The following LRRK1 variants were observed in gnomAD, a reference collection of about 807,000 sequenced individuals.
LRRK1 encodes the protein leucine rich repeat kinase 1, also known as leucine-rich repeat serine/threonine-protein kinase 1.
Under a neutral mutation model 209.1 loss-of-function variants are expected in LRRK1, and 113 were observed. The ratio of observed to expected loss-of-function variants is 0.54; its 90% CI spans 0.46 to 0.63. The LOEUF is 0.63. LRRK1 is among the 30% of genes least tolerant of loss of function. The pLI, the probability that LRRK1 is intolerant of heterozygous loss-of-function variation, is 0.00. For synonymous variants in LRRK1, 1,144 were observed against 1,099.7 expected, an observed-to-expected ratio of 1.04 and a Z score of -0.80; for missense variants, 2,284 against 2,632.2, an observed-to-expected ratio of 0.87 and a Z score of 2.89.
Position 101,070,308 on chromosome 15 carries a change from C to A in LRRK1, c.*1460C>A, listed in dbSNP as rs1382557093. 1 of 94,828 alleles carries A rather than the reference C, an allele frequency of 1.1e-5. No individual in the cohort carries two copies. Among genetic ancestry groups the A allele is most frequent in the South Asian group, 4.0e-4 (1 of 2,484 alleles). The allele number at this position is 94,828 out of a possible 1,614,324, so 5.9% of individuals were successfully genotyped here. On this transcript the variant is annotated 3_prime_UTR_variant, in exon 34 of 34. Coordinates refer to ENST00000388948, the MANE Select transcript of LRRK1 (RefSeq NM_024652.6). ...CTTGGAAAAAGCGAGTCCCCCCACT[C>A]TTTTTTTTTTTTTTTTTTTTTTTTT...
intron 31 of LRRK1, chr15:101,064,873 C>T: frequency 7.0e-6 from 1 of 142,160 alleles, no homozygotes; most frequent in East Asian, 1.9e-4. Flanking sequence ...AACACTCTGC[C>T]TGGTGGGGGG....
At chr15:100,971,361 A>T (rs1313675303) in intron 2 of LRRK1, among the ~76,000 whole-genome samples, 1 of 148,734 alleles carries the variant, frequency 6.7e-6, no homozygotes, top group East Asian at 1.9e-4. Context: ...AAAGAAAAAG[A>T]AAAAGAAAAA....
intron 3 of LRRK1, among the ~76,000 whole-genome samples, chr15:100,975,146 C>T (rs1158728643): frequency 6.6e-6 from 1 of 152,246 alleles, no homozygotes; most frequent in African/African-American, 2.4e-5. Flanking sequence ...GAGAGCTGCG[C>T]TGTGCACACG....
rs1460879622 is a variant in LRRK1, at chr15:100,968,042, A to T, written c.98-5762A>T. On this transcript the variant is annotated intron_variant, in intron 2 of 33. Coordinates refer to ENST00000388948, the MANE Select transcript of LRRK1 (RefSeq NM_024652.6). ...GTCCTTGTGCCCCATCCACAGGAAA[A>T]CTCACTGTCTACCATATGGCCACGA... Among the ~76,000 whole-genome samples the T allele has an allele frequency of 1.3e-5, 2 of 152,160 alleles. 1 individual carries two copies. The highest frequency in any genetic ancestry group is 6.3e-3 in the Middle Eastern group (2 of 316).
chr15:100,974,200 C>CG (rs2031157653), intron 3 of LRRK1: 1 of 385,638 alleles, frequency 2.6e-6, no homozygotes, highest in South Asian at 1.4e-4. Context: ...CTTTGAGGGA[C>CG]GGGGGTGTGG....
At chr15:100,931,966 G>A (rs961861022) in intron 2 of LRRK1, among the ~76,000 whole-genome samples, 1 of 150,622 alleles carries the variant, frequency 6.6e-6, no homozygotes, top group Non-Finnish European at 1.5e-5. Context: ...ATCACTGTTA[G>A]CTGAGTGTGT....
At chr15:101,009,093 G>C in intron 7 of LRRK1, 30 bp downstream of exon 7, 1 of 1,517,786 alleles carries the variant, frequency 6.6e-7, no homozygotes, top group African/African-American at 1.4e-5. Context: ...CCGGAGCCGT[G>C]TGTGACCCCG....
rs183994734 is a variant in LRRK1 at position 101,051,553 on chromosome 15, G to A, written c.3440-158G>A. Among the ~76,000 whole-genome samples, 14 of 152,352 alleles carry A rather than the reference G, an allele frequency of 9.2e-5. No homozygotes were observed. In the East Asian group the frequency reaches 1.5e-3, roughly 17 times the overall value. ...AATTGCGCTCTCCAAAAAGGCACCCGAATGTGGCAGTGGGTTTCAGCCTGT... is the reference window on the plus strand; with the variant it reads ...AATTGCGCTCTCCAAAAAGGCACCCAAATGTGGCAGTGGGTTTCAGCCTGT... On this transcript the variant is annotated intron_variant, in intron 23 of 33. Coordinates refer to ENST00000388948, the MANE Select transcript of LRRK1 (RefSeq NM_024652.6).
intron 4 of LRRK1, among the ~76,000 whole-genome samples, chr15:100,988,206 C>T (rs1023149676): frequency 1.4e-4 from 21 of 152,148 alleles, no homozygotes; most frequent in African/African-American, 4.1e-4. Flanking sequence ...GGGTAAACTG[C>T]ATGTTGCCGG....
intron 21 of LRRK1, among the ~76,000 whole-genome samples, chr15:101,048,285 G>A (rs1001767577): frequency 6.6e-6 from 1 of 152,092 alleles, no homozygotes; most frequent in Non-Finnish European, 1.5e-5. Flanking sequence ...TCAATTCTTT[G>A]GAAAAACTGT....
chr15:101,058,082 C>T lies in LRRK1; in HGVS notation c.4620C>T (p.Phe1540=), dbSNP rs377128940. ...TGTGCTGTGGGAAGCAGACAGCCTT[C>T]TTCTCATCCCAGGGCCAGGAGTACA... ...YELCCGKQTA[F]FSSQGQEYTV... is the part of the protein sequence containing the mutation. Residue 1540 remains phenylalanine, a synonymous_variant, in exon 29 of 34, where the codon TTC becomes TTT. Transcript: ENST00000388948. The T allele has an allele frequency of 1.9e-6, 3 of 1,614,060 alleles. No homozygotes were observed. The South Asian group carries it at 3.3e-5, about 18-fold the overall frequency.
chr15:100,957,622 C>A (rs561925751), intron 2 of LRRK1, among the ~76,000 whole-genome samples: 30 of 152,238 alleles, frequency 2.0e-4, no homozygotes, highest in African/African-American at 6.0e-4. Flanking sequence ...TTCTTTAGCT[C>A]TTTTGGTTTC....
chr15:100,947,496 T>C (rs1329472116), intron 2 of LRRK1, among the ~76,000 whole-genome samples: 2 of 152,242 alleles, frequency 1.3e-5, no homozygotes, highest in East Asian at 1.9e-4. Context: ...TATTTTTTAT[T>C]CTCAATATTT....
At chr15:100,958,727 A>G (rs571024983) in intron 2 of LRRK1, among the ~76,000 whole-genome samples, 5 of 152,216 alleles carry the variant, frequency 3.3e-5, no homozygotes, top group African/African-American at 9.6e-5. Flanking sequence ...GCTTCCATCC[A>G]CTTGACCCTC....
chr15:101,054,049 G>A (rs2035643996), intron 26 of LRRK1, among the ~76,000 whole-genome samples: 1 of 152,096 alleles, frequency 6.6e-6, no homozygotes, highest in African/African-American at 2.4e-5. Flanking sequence ...TGCAATCTCA[G>A]CTCACTGCAG....
chr15:101,064,877 T>TG (rs3840841), intron 31 of LRRK1: 19,489 of 161,070 alleles, frequency 0.12, 1,311 homozygotes, highest in Non-Finnish European at 0.15. Context: ...CTCTGCCTGG[T>TG]GGGGGGGGTG....
intron 21 of LRRK1, among the ~76,000 whole-genome samples, chr15:101,046,591 G>A (rs188825639): frequency 6.6e-6 from 1 of 152,326 alleles, no homozygotes; most frequent in East Asian, 1.9e-4. Context: ...TTGCCGTCCT[G>A]GCTGCACGCT....
In LRRK1 at chr15:101,066,173, C is replaced by G. The variant is rs772824076; in HGVS notation, c.5736C>G (p.Ile1912Met). 1 of 1,612,322 alleles carries G rather than the reference C, an allele frequency of 6.2e-7. No homozygotes were observed. The highest frequency in any genetic ancestry group is 1.7e-5 in the Admixed American group (1 of 59,986). ...GCCAGCACCTGCAGGCCGTGAAGAT[C>G]CTCGCCGTCAGAGACCTCATTTGGG... ...TFSQHLQAVKILAVRDLIWVP... is the reference protein window; with the variant it reads ...TFSQHLQAVKMLAVRDLIWVP... The change falls in exon 32 of 34, where the codon ATC becomes ATG. Residue 1912 changes from isoleucine (I) to methionine (M), a missense_variant. Coordinates refer to ENST00000388948, the MANE Select transcript of LRRK1 (RefSeq NM_024652.6).
intron 4 of LRRK1, among the ~76,000 whole-genome samples, chr15:100,984,012 T>C (rs2031740085): frequency 6.6e-6 from 1 of 152,232 alleles, no homozygotes; most frequent in Admixed American, 6.5e-5. Context: ...TCAATTGGAA[T>C]GTACGGAGTT....
Sources: gnomAD v4.1 joint callset for allele counts (sites outside exome capture counted in the v4.1 genomes callset) on GRCh38, gnomAD v4.1.1 for gene constraint, MANE v1.5 for transcripts, NCBI Gene and HGNC (gene_info 2026-07-23, HGNC 2026-07-21) for gene names.